The following AP3B1 variants were observed in gnomAD, a reference collection of about 807,000 sequenced individuals.
AP3B1 encodes the protein AP-3 complex subunit beta-1.
A neutral mutation model predicts 132.5 loss-of-function variants in AP3B1; 61 were observed. The observed-to-expected ratio is 0.46, with a 90% CI of 0.37 to 0.57. AP3B1 has a LOEUF of 0.57. AP3B1 is among the 20% of genes least tolerant of loss of function. The pLI is 0.00. For missense variants in AP3B1, 1,120 were observed against 1,289.4 expected (o/e 0.87, Z 2.01); for synonymous variants, 388 against 438.3 (o/e 0.89, Z 1.43).
intron 13 of AP3B1, among the ~76,000 whole-genome samples, chr5:78,156,822 A>C (rs1743170058): frequency 6.6e-6 from 1 of 152,222 alleles, no homozygotes. Flanking sequence ...TCCTTAAGTG[A>C]AATGCCCAGA....
chr5:78,150,216 A>T (rs1467663959), intron 14 of AP3B1, among the ~76,000 whole-genome samples: 1 of 152,238 alleles, frequency 6.6e-6, no homozygotes, highest in East Asian at 1.9e-4. Flanking sequence ...GCACTCAAGA[A>T]AAAGGCATAG....
intron 15 of AP3B1, among the ~76,000 whole-genome samples, chr5:78,138,710 G>C (rs1246113196): frequency 2.6e-5 from 4 of 151,782 alleles, no homozygotes; most frequent in Non-Finnish European, 5.9e-5. Context: ...AAAATATCAC[G>C]TCTGTAATCC....
At chr5:78,203,839 A>G (rs1029460011) in intron 7 of AP3B1, among the ~76,000 whole-genome samples, 2 of 152,148 alleles carry the variant, frequency 1.3e-5, no homozygotes, top group African/African-American at 4.8e-5. Flanking sequence ...AAGTTCACCC[A>G]TTCATTTTCT....
At position 78,259,102 on chromosome 5, in the gene AP3B1, G is replaced by C. The variant is rs551438247; in HGVS notation, c.204+8418C>G. On this transcript the variant is annotated intron_variant, in intron 2 of 26. Transcript: ENST00000255194. The stretch of plus-strand genomic sequence containing the variant: ...AATACAAAAAAATACAAAAAAATTA[G>C]CCAGGCATGATGGCAGGTGCCTGTA... 8.5e-5 allele frequency among the ~76,000 whole-genome samples: 13 copies of C among 152,196 alleles called. No individual in the cohort carries two copies. In the East Asian group the frequency reaches 2.3e-3, roughly 27 times the overall value.
intron 3 of AP3B1, among the ~76,000 whole-genome samples, chr5:78,239,770 C>G (rs980293659): frequency 4.7e-5 from 6 of 126,810 alleles, no homozygotes; most frequent in Admixed American, 8.2e-5. Flanking sequence ...CGAAGTGAGA[C>G]TCTGTCTCAA....
chr5:78,053,701 A>G (rs368832095), intron 22 of AP3B1, among the ~76,000 whole-genome samples: 9,086 of 147,922 alleles, frequency 0.061, 1,001 homozygotes, highest in African/African-American at 0.21. Flanking sequence ...AAAAAAAGAA[A>G]GAAAAGAAAA....
rs144583992 is a variant in AP3B1, at chr5:78,075,435, C to G, written c.2577+13958G>C. On this transcript the variant is annotated intron_variant, in intron 22 of 26. Coordinates refer to ENST00000255194, the MANE Select transcript of AP3B1 (RefSeq NM_003664.5). ...CTTCCATACCAAAACAAAGGAAAGG[C>G]CTGATAAGAGTCTTCTGTTTCCCAG... Among the ~76,000 whole-genome samples the G allele has an allele frequency of 1.1e-3, 162 of 152,200 alleles. 1 individual carries two copies. The highest frequency in any genetic ancestry group is 3.8e-3 in the African/African-American group (158 of 41,510).
intron 2 of AP3B1, among the ~76,000 whole-genome samples, chr5:78,256,335 T>C (rs1401990321): frequency 6.6e-6 from 1 of 151,898 alleles, no homozygotes; most frequent in East Asian, 1.9e-4. Context: ...AAAGAAGATA[T>C]TACAACTGAT....
At chr5:78,075,841 T>C (rs143372525) in intron 22 of AP3B1, among the ~76,000 whole-genome samples, 3 of 152,332 alleles carry the variant, frequency 2.0e-5, no homozygotes, top group South Asian at 2.1e-4. Flanking sequence ...GCTACTGATA[T>C]TCCATGCTAG....
At chr5:78,111,500 G>A (rs772655031) in intron 19 of AP3B1, among the ~76,000 whole-genome samples, 6 of 152,100 alleles carry the variant, frequency 3.9e-5, no homozygotes, top group African/African-American at 7.2e-5. Context: ...AAATTATAGC[G>A]TGTCAGGAGA....
At chr5:78,211,255 C>T (rs1419191907) in intron 7 of AP3B1, among the ~76,000 whole-genome samples, 3 of 152,132 alleles carry the variant, frequency 2.0e-5, no homozygotes, top group African/African-American at 4.8e-5. Flanking sequence ...TCCTAGTGCA[C>T]TGTATAATCA....
intron 22 of AP3B1, among the ~76,000 whole-genome samples, chr5:78,066,378 G>A (rs1224264211): frequency 6.6e-6 from 1 of 152,158 alleles, no homozygotes; most frequent in Non-Finnish European, 1.5e-5. Flanking sequence ...TGAGCTAAAG[G>A]AGCATGTTCT....
At chr5:78,247,657 C>A (rs1747435719) in intron 2 of AP3B1, among the ~76,000 whole-genome samples, 1 of 151,976 alleles carries the variant, frequency 6.6e-6, no homozygotes, top group South Asian at 2.1e-4. Flanking sequence ...TAAATAGATT[C>A]ATCTGAACTT....
At chr5:78,229,449 T>C (rs1746538196) in intron 3 of AP3B1, among the ~76,000 whole-genome samples, 1 of 152,078 alleles carries the variant, frequency 6.6e-6, no homozygotes, top group Non-Finnish European at 1.5e-5. Context: ...AGTTATGTAC[T>C]CAGCCAGGCA....
At chr5:78,190,075 A>G (rs1744767513) in intron 7 of AP3B1, among the ~76,000 whole-genome samples, 1 of 151,982 alleles carries the variant, frequency 6.6e-6, no homozygotes, top group Non-Finnish European at 1.5e-5. Flanking sequence ...AACATATAAT[A>G]TTACAGAAAT....
At chr5:78,161,997 A>G (rs917715551) in intron 13 of AP3B1, among the ~76,000 whole-genome samples, 10 of 152,098 alleles carry the variant, frequency 6.6e-5, no homozygotes, top group African/African-American at 1.9e-4. Context: ...CCATATCTAG[A>G]CATGACATAG....
At chr5:78,260,677 C>T (rs1466028471) in intron 2 of AP3B1, among the ~76,000 whole-genome samples, 2 of 151,818 alleles carry the variant, frequency 1.3e-5, no homozygotes, top group Non-Finnish European at 2.9e-5. Context: ...AGTGGGACAG[C>T]GCTCATGCCT....
intron 15 of AP3B1, among the ~76,000 whole-genome samples, chr5:78,132,705 T>C (rs1179812715): frequency 6.6e-6 from 1 of 152,220 alleles, no homozygotes; most frequent in South Asian, 2.1e-4. Context: ...TTTAAATGGA[T>C]GTTGATCTTT....
chr5:78,294,612 T>C lies in AP3B1; in HGVS notation c.-33A>G, dbSNP rs2112607471. The C allele has an allele frequency of 6.2e-7, 1 of 1,613,248 alleles. No individual in the cohort carries two copies. The highest frequency in any genetic ancestry group is 8.5e-7 in the Non-Finnish European group (1 of 1,179,980). ...GTGCTGGCGGGTGCGGGGTTGGTCC[T>C]GCCGGGGGTTCTCTCCAAAAGGTTC... On this transcript the variant is annotated 5_prime_UTR_variant, in exon 1 of 27. Transcript: ENST00000255194.
Sources: allele counts gnomAD v4.1 joint callset (sites outside exome capture counted in the v4.1 genomes callset), GRCh38; gene constraint gnomAD v4.1.1; transcripts MANE v1.5; gene names NCBI Gene and HGNC (gene_info 2026-07-23, HGNC 2026-07-21).